Variants in ADTRP observed in about 807,000 individuals in gnomAD.
ADTRP encodes androgen-dependent TFPI-regulating protein.
A neutral mutation model predicts 27.0 loss-of-function variants in ADTRP; 20 were observed. The observed-to-expected ratio is 0.74, with a 90% confidence interval of 0.52 to 1.08. The LOEUF (loss-of-function observed/expected upper bound fraction) is 1.08. ADTRP is among the 50% of genes least tolerant of loss of function. ADTRP has a pLI of 0.00. For missense variants in ADTRP, 251 were observed against 275.0 expected (o/e 0.91, Z 0.62); for synonymous variants, 101 against 105.2 (o/e 0.96, Z 0.25).
chr6:11,729,684 C>A (rs907401393), intron 4 of ADTRP, among the ~76,000 whole-genome samples: 1 of 152,154 alleles, frequency 6.6e-6, no homozygotes, highest in African/African-American at 2.4e-5. Context: ...GATTCTCAAT[C>A]TTGTCTCAAA....
At chr6:11,761,897 C>G (rs186221788) in intron 3 of ADTRP, among the ~76,000 whole-genome samples, 3 of 152,292 alleles carry the variant, frequency 2.0e-5, no homozygotes, top group Admixed American at 2.0e-4. Flanking sequence ...GGTATGTAGA[C>G]TGTGGGTGAC....
intron 2 of ADTRP, 118 bp from the exon 3 acceptor site, chr6:11,766,493 A>G: frequency 1.6e-6 from 1 of 637,694 alleles, no homozygotes; most frequent in South Asian, 2.0e-5. Context: ...GATATCTTAC[A>G]TATACATTAT....
chr6:11,765,045 T>C (rs1436066333), intron 3 of ADTRP, among the ~76,000 whole-genome samples: 4 of 152,170 alleles, frequency 2.6e-5, no homozygotes, highest in Admixed American at 2.6e-4. Context: ...AAGGTAGTTC[T>C]GGTCCTGAAC....
chr6:11,767,114 G>A (rs562880879), intron 2 of ADTRP, among the ~76,000 whole-genome samples: 1 of 152,236 alleles, frequency 6.6e-6, no homozygotes, highest in South Asian at 2.1e-4. Context: ...GCTCATGCCT[G>A]TAATCCTAGC....
chr6:11,772,202 G>A (rs549456158), intron 1 of ADTRP, among the ~76,000 whole-genome samples: 2 of 152,262 alleles, frequency 1.3e-5, no homozygotes, highest in African/African-American at 4.8e-5. Context: ...CCCTAATTCT[G>A]TTCCCACTGC....
intron 3 of ADTRP, among the ~76,000 whole-genome samples, chr6:11,743,068 C>CTG (rs1453677967): frequency 6.6e-6 from 1 of 152,266 alleles, no homozygotes; most frequent in Non-Finnish European, 1.5e-5. Flanking sequence ...ATTTGCAAGG[C>CTG]TGTGGCCCGT....
At chr6:11,719,212 C>G (rs1761930738) in intron 5 of ADTRP, among the ~76,000 whole-genome samples, 1 of 152,156 alleles carries the variant, frequency 6.6e-6, no homozygotes, top group African/African-American at 2.4e-5. Flanking sequence ...TGTCCTCAGA[C>G]CAGCAGCATC....
intron 3 of ADTRP, among the ~76,000 whole-genome samples, chr6:11,753,835 G>T (rs561490832): frequency 5.3e-5 from 8 of 152,110 alleles, no homozygotes; most frequent in Admixed American, 2.0e-4. Context: ...AGCAAAACCA[G>T]CATTTGCAAG....
At chr6:11,731,135 T>C (rs1223023097) in intron 4 of ADTRP, among the ~76,000 whole-genome samples, 1 of 152,214 alleles carries the variant, frequency 6.6e-6, no homozygotes, top group Non-Finnish European at 1.5e-5. Flanking sequence ...CAGCAGATTA[T>C]TGGAACTCCT....
intron 5 of ADTRP, among the ~76,000 whole-genome samples, chr6:11,714,731 G>A (rs1761758180): frequency 6.6e-6 from 1 of 152,230 alleles, no homozygotes; most frequent in Non-Finnish European, 1.5e-5. Context: ...TGGGTTCACA[G>A]TTAGCCAGGC....
At chr6:11,772,789 T>C (rs1581374036) in intron 1 of ADTRP, among the ~76,000 whole-genome samples, 2 of 152,314 alleles carry the variant, frequency 1.3e-5, no homozygotes, top group South Asian at 2.1e-4. Context: ...TGTATTCGTA[T>C]GGAATATAGG....
intron 3 of ADTRP, among the ~76,000 whole-genome samples, chr6:11,761,753 G>C (rs1037689433): frequency 1.3e-5 from 2 of 152,124 alleles, no homozygotes; most frequent in African/African-American, 4.8e-5. Context: ...AATTTGGAGG[G>C]CTCATGAGCC....
intron 3 of ADTRP, among the ~76,000 whole-genome samples, chr6:11,739,399 C>T (rs769513354): frequency 5.3e-5 from 8 of 152,146 alleles, no homozygotes; most frequent in South Asian, 2.1e-4. Flanking sequence ...CCAAATGCAA[C>T]GGTTATAAAG....
chr6:11,717,391 A>G (rs773422204), intron 5 of ADTRP: 11 of 1,304,306 alleles, frequency 8.4e-6, no homozygotes, highest in Non-Finnish European at 1.0e-5. Flanking sequence ...TCTAGCCTCC[A>G]TCTTTGCAAG....
chr6:11,713,858 C>G lies in ADTRP; in HGVS notation c.*620G>C, dbSNP rs938966144. 1 of 152,106 alleles carries G rather than the reference C, an allele frequency of 6.6e-6. No homozygotes were observed. 9.4% of individuals were successfully genotyped at this position (152,106 alleles called of 1,614,324 possible). On this transcript the variant is annotated 3_prime_UTR_variant, in exon 6 of 6. Coordinates refer to ENST00000414691, the MANE Select transcript of ADTRP (RefSeq NM_032744.4). ...TTAATTTGCTATTATCCCAAGTAGA[C>G]AGACAACTTCAGTAGTAGCCATCTC...
rs150351406 is a variant in ADTRP, at chr6:11,772,263, T to G, written c.154-3880A>C. On this transcript the variant is annotated intron_variant, in intron 1 of 5. Transcript: ENST00000414691. The stretch of plus-strand genomic sequence containing the variant: ...CTGCTTCTGAGTTCGTTAGCTGTCT[T>G]TTGTTTCTGTTGCTAGCTGACAAAC... 3.2e-3 allele frequency among the ~76,000 whole-genome samples: 494 copies of G among 152,332 alleles called. 6 individuals carry two copies. The highest frequency in any genetic ancestry group is 0.011 in the African/African-American group (468 of 41,572).
chr6:11,734,672 C>T (rs1762490056), intron 4 of ADTRP, among the ~76,000 whole-genome samples: 1 of 152,104 alleles, frequency 6.6e-6, no homozygotes, highest in Admixed American at 6.5e-5. Flanking sequence ...GTCCATAAAA[C>T]AGGCACTGCT....
intron 3 of ADTRP, among the ~76,000 whole-genome samples, chr6:11,737,806 A>G (rs1762595499): frequency 6.6e-6 from 1 of 151,916 alleles, no homozygotes; most frequent in African/African-American, 2.4e-5. Context: ...AATTTGCTCA[A>G]GGTTGGTCCT....
chr6:11,717,461 GA>G, intron 5 of ADTRP: 1 of 1,296,786 alleles, frequency 7.7e-7, no homozygotes, highest in East Asian at 5.6e-5. Context: ...CATCACCATA[GA>G]TACCATATAT....
Sources: gnomAD v4.1 joint callset for allele counts (sites outside exome capture counted in the v4.1 genomes callset) on GRCh38, gnomAD v4.1.1 for gene constraint, MANE v1.5 for transcripts, NCBI Gene and HGNC (gene_info 2026-07-23, HGNC 2026-07-21) for gene names.